NBPF11: variants seen among roughly 807,000 people sequenced by gnomAD.
NBPF11 encodes NBPF member 11, also known as NBPF family member NBPF11.
NBPF11 carries 72 observed loss-of-function variants against 93.9 expected under a neutral mutation model. The observed-to-expected ratio is 0.77, with a 90% CI of 0.63 to 0.93. The LOEUF is 0.93. Among genes scored for constraint, NBPF11 ranks in the 40% least tolerant of loss-of-function variants. NBPF11 has a pLI of 0.00. For missense variants in NBPF11, 705 were observed against 802.2 expected (o/e 0.88, Z 1.46); for synonymous variants, 224 against 304.9 (o/e 0.73, Z 2.76).
chr1:148,122,297 A>G, intron 8 of NBPF11, 31 bp from the exon 9 acceptor site: 1 of 1,609,868 alleles, frequency 6.2e-7, no homozygotes, highest in South Asian at 1.1e-5. Context: ...GAGATGACAG[A>G]AGATTAAACA....
chr1:148,106,315 G>A (rs1261972155), intron 20 of NBPF11, 83 bp from the exon 21 acceptor site: 6 of 692,444 alleles, frequency 8.7e-6, no homozygotes, highest in Non-Finnish European at 1.6e-5. Context: ...CCCCACACAG[G>A]GATCTCAGGC....
intron 17 of NBPF11, 73 bp from the exon 18 acceptor site, chr1:148,108,727 G>T (rs1455521222): frequency 6.3e-6 from 5 of 793,302 alleles, no homozygotes; most frequent in Non-Finnish European, 1.1e-5. Context: ...TAGATTTCAT[G>T]GCTAACATGA....
At chr1:148,151,124 G>A (rs1648207105) in intron 1 of NBPF11, among the ~76,000 whole-genome samples, 2 of 151,888 alleles carry the variant, frequency 1.3e-5, no homozygotes, top group Non-Finnish European at 2.9e-5. Flanking sequence ...AGACAGACAG[G>A]CACAGAAAAA....
intron 3 of NBPF11, among the ~76,000 whole-genome samples, chr1:148,136,466 T>C (rs1227467895): frequency 6.6e-6 from 1 of 150,982 alleles, no homozygotes; most frequent in African/African-American, 2.5e-5. Context: ...ACAACATGGA[T>C]GAATCTCAAA....
chr1:148,113,231 C>T (rs1341975296), intron 15 of NBPF11, among the ~76,000 whole-genome samples: 7 of 151,948 alleles, frequency 4.6e-5, no homozygotes, highest in African/African-American at 1.7e-4. Flanking sequence ...ACCCATCTCA[C>T]ATGCAGAGAC....
chr1:148,146,013 T>A (rs1672945577), intron 1 of NBPF11, among the ~76,000 whole-genome samples: 1 of 151,914 alleles, frequency 6.6e-6, no homozygotes. Context: ...CAGAATAAAG[T>A]ATTACAAATC....
At chr1:148,120,816 A>T in intron 9 of NBPF11, 106 bp from the exon 10 acceptor site, 1 of 893,834 alleles carries the variant, frequency 1.1e-6, no homozygotes, top group East Asian at 2.4e-5. Flanking sequence ...ACTTATTTGA[A>T]GATGTTGTTT....
chr1:148,105,776 TGA>T (rs1299636402), intron 21 of NBPF11, among the ~76,000 whole-genome samples: 1 of 124,974 alleles, frequency 8.0e-6, no homozygotes, highest in Non-Finnish European at 1.6e-5. Flanking sequence ...ACACACACAC[TGA>T]GAGAGAGAGA....
rs1215959643 is a variant in NBPF11 at position 148,103,854 on chromosome 1, T to C, written c.*42A>G. ...TACATTGATGGAGTCGAATAATATC[T>C]ATCCAGTGAGTCCTGTAAGACTTCA... is the stretch of plus-strand genomic sequence containing the variant. On this transcript the variant is annotated 3_prime_UTR_variant, in exon 24 of 24. Transcript: ENST00000682118. 5.4e-5 allele frequency: 87 copies of C among 1,611,242 alleles called. No individual in the cohort carries two copies. The highest frequency in any genetic ancestry group is 7.1e-5 in the Non-Finnish European group (84 of 1,179,378).
At chr1:148,138,918 C>T (rs1171158616) in intron 2 of NBPF11, among the ~76,000 whole-genome samples, 3 of 151,438 alleles carry the variant, frequency 2.0e-5, no homozygotes, top group Non-Finnish European at 4.4e-5. Flanking sequence ...TGAAGAAACC[C>T]TGTCTCTACC....
intron 16 of NBPF11, 29 bp downstream of exon 16, chr1:148,110,349 C>A: frequency 6.4e-7 from 1 of 1,569,698 alleles, no homozygotes; most frequent in Non-Finnish European, 8.7e-7. Context: ...TGAACTGGAG[C>A]TTTATCACCT....
rs4067627 is a variant in NBPF11 at position 148,103,428 on chromosome 1, C to T, written c.*468G>A. ...GATACGTGGTTCAAATTAAAATGTC[C>T]GACTGATCACTCCCGGCATGTGCTG... On this transcript the variant is annotated 3_prime_UTR_variant, in exon 24 of 24. Coordinates refer to ENST00000682118, the MANE Select transcript of NBPF11 (RefSeq NM_001385469.3). 2.1e-4 allele frequency: 127 copies of T among 613,386 alleles called. No individual in the cohort carries two copies. Among genetic ancestry groups the T allele is most frequent in the Middle Eastern group, 1.4e-3 (3 of 2,112 alleles). The allele number at this position is 613,386 out of a possible 1,614,324, so 38.0% of individuals were successfully genotyped here.
At chr1:148,138,446 T>G (rs1160465287) in intron 2 of NBPF11, among the ~76,000 whole-genome samples, 2 of 151,518 alleles carry the variant, frequency 1.3e-5, no homozygotes, top group Non-Finnish European at 2.9e-5. Context: ...TATTTCAGAC[T>G]ATGACATGGG....
intron 1 of NBPF11, among the ~76,000 whole-genome samples, chr1:148,151,478 C>T (rs1343138806): frequency 1.5e-4 from 23 of 152,154 alleles, no homozygotes; most frequent in African/African-American, 5.6e-4. Flanking sequence ...GCTGCTCCGT[C>T]CCTCCACCCC....
chr1:148,133,453 C>T (rs1420557853), intron 4 of NBPF11, among the ~76,000 whole-genome samples: 2 of 152,194 alleles, frequency 1.3e-5, no homozygotes, highest in Admixed American at 6.5e-5. Flanking sequence ...CCTGTGGGTT[C>T]TTCAAATCTG....
At chr1:148,120,457 G>A in intron 10 of NBPF11, 44 bp downstream of exon 10, 2 of 857,082 alleles carry the variant, frequency 2.3e-6, no homozygotes, top group Non-Finnish European at 4.1e-6. Context: ...GAGAAGACAG[G>A]ACTTCGTTCA....
intron 2 of NBPF11, among the ~76,000 whole-genome samples, chr1:148,143,060 G>A (rs1403454023): frequency 6.7e-6 from 1 of 149,866 alleles, no homozygotes; most frequent in Non-Finnish European, 1.5e-5. Flanking sequence ...GAGAAAGCAG[G>A]TGAAAGAGGA....
At chr1:148,122,341 T>C in intron 8 of NBPF11, 75 bp from the exon 9 acceptor site, 1 of 1,607,144 alleles carries the variant, frequency 6.2e-7, no homozygotes, top group Non-Finnish European at 8.5e-7. Flanking sequence ...TCCTAGCTGG[T>C]TTTGACAAGC....
At chr1:148,149,335 C>T (rs1452615746) in intron 1 of NBPF11, 28 of 1,597,042 alleles carry the variant, frequency 1.8e-5, no homozygotes, top group Non-Finnish European at 2.2e-5. Context: ...TCGACGCCTT[C>T]CCTAACATCG....
Sources: gnomAD v4.1 joint callset for allele counts (sites outside exome capture counted in the v4.1 genomes callset) on GRCh38, gnomAD v4.1.1 for gene constraint, MANE v1.5 for transcripts, NCBI Gene and HGNC (gene_info 2026-07-23, HGNC 2026-07-21) for gene names.